The following TMEM106B variants were observed in gnomAD, a reference collection of about 807,000 sequenced individuals.
TMEM106B encodes transmembrane protein 106B.
Under a neutral mutation model 31.1 loss-of-function variants are expected in TMEM106B, and 15 were observed. That is an observed-to-expected ratio of 0.48 (90% CI 0.32 to 0.74). TMEM106B has a LOEUF of 0.74. Among genes scored for constraint, TMEM106B ranks in the 30% least tolerant of loss-of-function variants. TMEM106B has a pLI of 0.03. For missense variants in TMEM106B, 283 were observed against 327.3 expected (o/e 0.86, Z 1.04); for synonymous variants, 126 against 112.5 (o/e 1.12, Z -0.76).
At position 12,221,087 on chromosome 7, in the gene TMEM106B, A is replaced by AGTGTGTGTGTGTGTGTGT. The variant is rs71027479; in HGVS notation, c.281+2573_281+2590dup. On this transcript the variant is annotated intron_variant, in intron 3 of 7. Coordinates refer to ENST00000396668, the MANE Select transcript of TMEM106B (RefSeq NM_001134232.2). ...GAAGAGGGAGTGGATAAGCAAGTAAAGTGTGTGTGTGTGTGTGTGTGTGTC... is the reference window on the plus strand; with the variant it reads ...GAAGAGGGAGTGGATAAGCAAGTAAAGTGTGTGTGTGTGTGTGTGTGTGTGTGTGTGTGTGTGTGTGTC... 1.8e-3 allele frequency among the ~76,000 whole-genome samples: 268 copies of AGTGTGTGTGTGTGTGTGT among 150,048 alleles called. 2 individuals carry two copies. Among genetic ancestry groups the AGTGTGTGTGTGTGTGTGT allele is most frequent in the African/African-American group, 6.2e-3 (251 of 40,722 alleles).
chr7:12,236,504 CA>C lies in TMEM106B; in HGVS notation c.*4530del, dbSNP rs561984992. On this transcript the variant is annotated 3_prime_UTR_variant, in exon 8 of 8. Transcript: ENST00000396668. Reference sequence around the variant, plus strand: ...GCTGTTACCCTTCTGTTTTTAATTACATTAATTGAAATGTGTTTTAAGAGAT... The same window carrying C: ...GCTGTTACCCTTCTGTTTTTAATTACTTAATTGAAATGTGTTTTAAGAGAT... 274 of 151,846 alleles carry C rather than the reference CA, an allele frequency of 1.8e-3. No individual in the cohort carries two copies. Among genetic ancestry groups the C allele is most frequent in the African/African-American group, 6.4e-3 (265 of 41,468 alleles). The allele number at this position is 151,846 out of a possible 1,614,324, so 9.4% of individuals were successfully genotyped here. A position where few individuals can be genotyped will look rare whatever the true frequency, so the allele number is the denominator to read the frequency against.
At chr7:12,221,205 T>C (rs1179911053) in intron 3 of TMEM106B, among the ~76,000 whole-genome samples, 2 of 152,120 alleles carry the variant, frequency 1.3e-5, no homozygotes, top group African/African-American at 4.8e-5. Flanking sequence ...ATTCTAACTG[T>C]ATATGAAGTT....
In TMEM106B at chr7:12,234,254, G is replaced by T. The variant is rs551043269; in HGVS notation, c.*2279G>T. On this transcript the variant is annotated 3_prime_UTR_variant, in exon 8 of 8. Transcript: ENST00000396668. Reference sequence around the variant, plus strand: ...ATGATAGTATCTCCTGAAAAGGATGGAAAGTAGAAGCATTTGCTTTTAGTC... The same window carrying T: ...ATGATAGTATCTCCTGAAAAGGATGTAAAGTAGAAGCATTTGCTTTTAGTC... 6.6e-6 allele frequency: 1 copy of T among 151,914 alleles called. No homozygotes were observed. Among genetic ancestry groups the T allele is most frequent in the East Asian group, 1.9e-4 (1 of 5,182 alleles). The allele number at this position is 151,914 out of a possible 1,614,324, so 9.4% of individuals were successfully genotyped here. A position where few individuals can be genotyped will look rare whatever the true frequency, so the allele number is the denominator to read the frequency against.
At chr7:12,213,570 G>A (rs138140142) in intron 1 of TMEM106B, among the ~76,000 whole-genome samples, 2 of 152,210 alleles carry the variant, frequency 1.3e-5, no homozygotes, top group East Asian at 3.9e-4. Context: ...AATGAAACCT[G>A]CATGTTTCTT....
intron 3 of TMEM106B, among the ~76,000 whole-genome samples, 175 bp from the exon 4 acceptor site, chr7:12,224,051 T>G (rs1317544941): frequency 1.3e-5 from 2 of 152,182 alleles, no homozygotes; most frequent in Admixed American, 6.6e-5. Context: ...ATCTTAACAC[T>G]TAATAGACTC....
At chr7:12,215,970 G>C (rs1781678940) in intron 2 of TMEM106B, among the ~76,000 whole-genome samples, 1 of 152,088 alleles carries the variant, frequency 6.6e-6, no homozygotes, top group Non-Finnish European at 1.5e-5. Flanking sequence ...TATCTTCTTG[G>C]TGAAAGTTGA....
At chr7:12,229,089 T>TA (rs927840755) in intron 4 of TMEM106B, among the ~76,000 whole-genome samples, 128 of 152,294 alleles carry the variant, frequency 8.4e-4, no homozygotes, top group African/African-American at 2.9e-3. Context: ...GTATGACTGT[T>TA]ACAGATCTTT....
intron 6 of TMEM106B, 169 bp downstream of exon 6, chr7:12,230,607 T>C (rs1187625251): frequency 2.0e-6 from 1 of 501,048 alleles, no homozygotes; most frequent in East Asian, 3.3e-5. Flanking sequence ...TATATAATAT[T>C]CATGTATATA....
rs976323726 is a variant in TMEM106B at position 12,240,451 on chromosome 7, A to T, written c.*8476A>T. ...CTTGTTTTAAACTTTTGTTTTCATC[A>T]ACTTTTTTCAAACAATTTTTGTCAG... On this transcript the variant is annotated 3_prime_UTR_variant, in exon 8 of 8. Transcript: ENST00000396668. 1 of 152,114 alleles carries T rather than the reference A, an allele frequency of 6.6e-6. No homozygotes were observed. The highest frequency in any genetic ancestry group is 1.5e-5 in the Non-Finnish European group (1 of 68,026). The allele number at this position is 152,114 out of a possible 1,614,324, so 9.4% of individuals were successfully genotyped here.
chr7:12,222,081 C>T (rs897689591), intron 3 of TMEM106B, among the ~76,000 whole-genome samples: 10 of 152,170 alleles, frequency 6.6e-5, no homozygotes, highest in African/African-American at 2.2e-4. Flanking sequence ...TGTCTGTATA[C>T]TTTAGCTATG....
In TMEM106B at chr7:12,231,040, C is replaced by T. The variant is rs766633235; in HGVS notation, c.633-22C>T. 20 of 1,540,816 alleles carry T rather than the reference C, an allele frequency of 1.3e-5. No individual in the cohort carries two copies. In the South Asian group the frequency reaches 2.3e-4, roughly 18 times the overall value. ...TATAATGTAGTAACTTGCATTTGTT[C>T]ACATTTTAATTTCTTTAACAGTGAT... On this transcript the variant is annotated intron_variant, in intron 6 of 7. Transcript: ENST00000396668.
intron 4 of TMEM106B, among the ~76,000 whole-genome samples, chr7:12,225,031 C>G (rs540016338): frequency 4.6e-5 from 7 of 152,068 alleles, no homozygotes; most frequent in Non-Finnish European, 1.0e-4. Flanking sequence ...CTCCACCTCA[C>G]GACAGGCCTC....
chr7:12,241,453 C>T lies in TMEM106B; in HGVS notation c.*9478C>T, dbSNP rs1782234773. The T allele has an allele frequency of 6.8e-6, 1 of 147,902 alleles. No individual in the cohort carries two copies. Among genetic ancestry groups the T allele is most frequent in the Non-Finnish European group, 1.5e-5 (1 of 67,734 alleles). The allele number at this position is 147,902 out of a possible 1,614,324, so 9.2% of individuals were successfully genotyped here. A position where few individuals can be genotyped will look rare whatever the true frequency, so the allele number is the denominator to read the frequency against. On this transcript the variant is annotated 3_prime_UTR_variant, in exon 8 of 8. Transcript: ENST00000396668. ...TGTGTGATGTTCCCCTCCCTGTGTC[C>T]ATCTGTTCTCATTGTTCAACTCCCA...
At chr7:12,214,724 A>T in intron 1 of TMEM106B, 85 bp from the exon 2 acceptor site, 1 of 1,115,534 alleles carries the variant, frequency 9.0e-7, no homozygotes. Flanking sequence ...TGACTGTTCT[A>T]AATTAATTAG....
At chr7:12,215,438 T>C (rs1333223668) in intron 2 of TMEM106B, among the ~76,000 whole-genome samples, 1 of 151,756 alleles carries the variant, frequency 6.6e-6, no homozygotes, top group African/African-American at 2.4e-5. Flanking sequence ...ATCTCGCAAT[T>C]GTTGGCCAGG....
chr7:12,222,649 A>G (rs1057280933), intron 3 of TMEM106B, among the ~76,000 whole-genome samples: 2 of 152,230 alleles, frequency 1.3e-5, no homozygotes, highest in Non-Finnish European at 2.9e-5. Context: ...TAAATTTCCT[A>G]TTAGGTAATC....
At position 12,240,410 on chromosome 7, in the gene TMEM106B, G is replaced by GT. The variant is rs1015056610; in HGVS notation, c.*8442dup. On this transcript the variant is annotated 3_prime_UTR_variant, in exon 8 of 8. Coordinates refer to ENST00000396668, the MANE Select transcript of TMEM106B (RefSeq NM_001134232.2). ...TGCCCAGTCACAAAGTTTGAGCCAA[G>GT]TTTTTTTGTTTTAAACTTGTTTTAA... 4 of 151,992 alleles carry GT rather than the reference G, an allele frequency of 2.6e-5. No homozygotes were observed. The highest frequency in any genetic ancestry group is 3.2e-3 in the Middle Eastern group (1 of 316). 9.4% of individuals were successfully genotyped at this position (151,992 alleles called of 1,614,324 possible).
intron 4 of TMEM106B, among the ~76,000 whole-genome samples, chr7:12,228,226 A>G (rs1781941056): frequency 6.6e-6 from 1 of 151,868 alleles, no homozygotes; most frequent in Non-Finnish European, 1.5e-5. Context: ...TGCTGACTCT[A>G]GCATATTCTT....
In TMEM106B at chr7:12,239,211, T is replaced by C. The variant is rs1051530810; in HGVS notation, c.*7236T>C. On this transcript the variant is annotated 3_prime_UTR_variant, in exon 8 of 8. Coordinates refer to ENST00000396668, the MANE Select transcript of TMEM106B (RefSeq NM_001134232.2). Reference sequence around the variant, plus strand: ...AACAACTTATCTCCTTAAACATCATTAACCAACCTCTTGGTAGCTTCCAAC... The same window carrying C: ...AACAACTTATCTCCTTAAACATCATCAACCAACCTCTTGGTAGCTTCCAAC... 3.0e-4 allele frequency: 46 copies of C among 152,152 alleles called. No homozygotes were observed. The highest frequency in any genetic ancestry group is 1.1e-3 in the African/African-American group (46 of 41,436). 9.4% of individuals were successfully genotyped at this position (152,152 alleles called of 1,614,324 possible).
Sources: gnomAD v4.1 joint callset for allele counts (sites outside exome capture counted in the v4.1 genomes callset) on GRCh38, gnomAD v4.1.1 for gene constraint, MANE v1.5 for transcripts, NCBI Gene and HGNC (gene_info 2026-07-23, HGNC 2026-07-21) for gene names.